The following LRIT3 variants were observed in gnomAD, a reference collection of about 807,000 sequenced individuals.
LRIT3 encodes leucine-rich repeat, immunoglobulin-like domain and transmembrane domain-containing protein 3.
Under a neutral mutation model 22.6 loss-of-function variants are expected in LRIT3, and 14 were observed. That is an observed-to-expected ratio of 0.62 (90% CI 0.41 to 0.97). The LOEUF (loss-of-function observed/expected upper bound fraction) is 0.97. Ranked by LOEUF, LRIT3 falls within the 50% of genes least tolerant of loss-of-function variation. The probability of loss-of-function intolerance (pLI) is 0.00; values close to 1 mark genes in which losing one functional copy is unlikely to be tolerated. For synonymous variants in LRIT3, 306 were observed against 304.5 expected, an observed-to-expected ratio of 1.01 and a Z score of -0.05; for missense variants, 783 against 803.0, an observed-to-expected ratio of 0.98 and a Z score of 0.30.
intron 1 of LRIT3, among the ~76,000 whole-genome samples, chr4:109,850,476 T>G (rs890497357): frequency 2.8e-5 from 4 of 141,304 alleles, no homozygotes; most frequent in Non-Finnish European, 4.6e-5. Flanking sequence ...TCTTTCTTTC[T>G]TTCTTTCTTT....
chr4:109,870,613 G>T lies in LRIT3; in HGVS notation c.1864G>T (p.Ala622Ser), dbSNP rs2125901807. The T allele has an allele frequency of 6.2e-7, 1 of 1,613,838 alleles. No homozygotes were observed. Among genetic ancestry groups the T allele is most frequent in the South Asian group, 1.1e-5 (1 of 91,038 alleles). ...KSEPFWEDDL[A>S]KETYIQFETL... ...AGAACCTTTTTGGGAAGATGATTTG[G>T]CAAAGGAGACTTATATCCAATTTGA... The change falls in exon 4 of 4, where the codon GCA becomes TCA. Residue 622 changes from alanine to serine, a missense_variant. Physicochemically the swap from Ala to Ser is moderately conservative, Grantham distance 99 (BLOSUM62 1). Transcript: ENST00000594814.
intron 1 of LRIT3, chr4:109,851,217 G>C: frequency 3.3e-6 from 1 of 301,840 alleles, no homozygotes; most frequent in Non-Finnish European, 6.2e-6. Flanking sequence ...GTGCCAGGAA[G>C]TTGTAGAGTT....
rs927620266 is a variant in LRIT3, at chr4:109,865,097, G to A, written c.590-2544G>A. Reference sequence around the variant, plus strand: ...CCATCTTTGGTTTCTTTTAGTCTATGATCATTATTTTTATTTTATAGGCTG... The same window carrying A: ...CCATCTTTGGTTTCTTTTAGTCTATAATCATTATTTTTATTTTATAGGCTG... On this transcript the variant is annotated intron_variant, in intron 2 of 3. Coordinates refer to ENST00000594814, the MANE Select transcript of LRIT3 (RefSeq NM_198506.5). 16 of 1,417,290 alleles carry A rather than the reference G, an allele frequency of 1.1e-5. No homozygotes were observed. The African/African-American group carries it at 2.2e-4, about 19-fold the overall frequency. 87.8% of individuals were successfully genotyped at this position (1,417,290 alleles called of 1,614,324 possible).
intron 2 of LRIT3, among the ~76,000 whole-genome samples, chr4:109,854,233 T>C (rs556131702): frequency 2.0e-5 from 3 of 152,340 alleles, no homozygotes; most frequent in Admixed American, 2.0e-4. Flanking sequence ...GGAATGTTTT[T>C]CCATTTGTTT....
intron 1 of LRIT3, 28 bp from the exon 2 acceptor site, chr4:109,851,476 C>A (rs994519851): frequency 1.3e-6 from 2 of 1,481,760 alleles, no homozygotes; most frequent in African/African-American, 2.8e-5. Flanking sequence ...AAGTGAGTTT[C>A]CTCACATTGT....
chr4:109,860,946 T>C (rs1734527728), intron 2 of LRIT3, among the ~76,000 whole-genome samples: 1 of 152,254 alleles, frequency 6.6e-6, no homozygotes, highest in South Asian at 2.1e-4. Flanking sequence ...GTTGGACACA[T>C]GGGTGTTTCG....
chr4:109,866,065 G>A (rs1734671012), intron 2 of LRIT3, among the ~76,000 whole-genome samples: 1 of 151,964 alleles, frequency 6.6e-6, no homozygotes, highest in African/African-American at 2.4e-5. Flanking sequence ...TAAAACAGGA[G>A]ATGAAAAAGT....
Position 109,872,193 on chromosome 4 carries a change from TC to T in LRIT3, c.*1405del. ...ATCTCCCAAACTCTGAGAACGGTCCTCAAATAGAAGCTCTCCTAGTCAGTTG... is the reference window on the plus strand; with the variant it reads ...ATCTCCCAAACTCTGAGAACGGTCCTAAATAGAAGCTCTCCTAGTCAGTTG... On this transcript the variant is annotated 3_prime_UTR_variant, in exon 4 of 4. Coordinates refer to ENST00000594814, the MANE Select transcript of LRIT3 (RefSeq NM_198506.5). The T allele has an allele frequency of 6.6e-6, 1 of 152,348 alleles. No homozygotes were observed. Among genetic ancestry groups the T allele is most frequent in the Admixed American group, 6.5e-5 (1 of 15,302 alleles). 9.4% of individuals were successfully genotyped at this position (152,348 alleles called of 1,614,324 possible).
rs544409262 is a variant in LRIT3, at chr4:109,849,758, G to A, written c.116+1441G>A. 6.7e-3 allele frequency among the ~76,000 whole-genome samples: 1,023 copies of A among 152,296 alleles called. 10 individuals carry two copies. The highest frequency in any genetic ancestry group is 0.023 in the African/African-American group (938 of 41,568). The stretch of plus-strand genomic sequence containing the variant: ...CTCCCAAGGAGCTGGGATTACAGGC[G>A]TGTGCCACCATGCCCAGCTAGTTTT... On this transcript the variant is annotated intron_variant, in intron 1 of 3. Coordinates refer to ENST00000594814, the MANE Select transcript of LRIT3 (RefSeq NM_198506.5).
Position 109,870,297 on chromosome 4 carries a change from T to C in LRIT3, c.1548T>C (p.Thr516=), listed in dbSNP as rs9994891. Residue 516 remains threonine, a synonymous_variant, in exon 4 of 4, where the codon ACT becomes ACC. Transcript: ENST00000594814. ...ACACCACACATAACTCTGCAGTGAC[T>C]GTGTTGTATTCCAAGTATGGTGGGA... ...MINTTHNSAV[T]VLYSKYGGKD... is the part of the protein sequence containing the mutation. 0.024 allele frequency: 39,535 copies of C among 1,614,024 alleles called. 5,669 individuals carry two copies. The African/African-American group carries it at 0.38, about 15-fold the overall frequency.
intron 2 of LRIT3, among the ~76,000 whole-genome samples, chr4:109,860,972 T>C (rs1410212721): frequency 6.6e-6 from 1 of 152,254 alleles, no homozygotes; most frequent in Non-Finnish European, 1.5e-5. Context: ...GGGGCCATAA[T>C]AAATTAAGCT....
chr4:109,849,410 A>G (rs1453018244), intron 1 of LRIT3, among the ~76,000 whole-genome samples: 1 of 152,210 alleles, frequency 6.6e-6, no homozygotes, highest in South Asian at 2.1e-4. Flanking sequence ...TATAAAAATT[A>G]TAGAATATTA....
intron 2 of LRIT3, among the ~76,000 whole-genome samples, chr4:109,857,200 A>G (rs1265427935): frequency 6.8e-6 from 1 of 148,058 alleles, no homozygotes; most frequent in Non-Finnish European, 1.5e-5. Context: ...ACAACTTTTA[A>G]GTGGTATAGT....
intron 2 of LRIT3, among the ~76,000 whole-genome samples, chr4:109,864,955 C>G (rs1020757078): frequency 1.3e-5 from 2 of 152,168 alleles, no homozygotes; most frequent in African/African-American, 4.8e-5. Context: ...AGTCTAGATC[C>G]ACAGATTATC....
intron 2 of LRIT3, chr4:109,865,210 C>T (rs1177993570): frequency 8.0e-6 from 12 of 1,500,342 alleles, no homozygotes; most frequent in Non-Finnish European, 1.1e-5. Flanking sequence ...AGCAAGGTTG[C>T]ATCACCCAGG....
At position 109,869,831 on chromosome 4, in the gene LRIT3, C is replaced by G; in HGVS notation, c.1082C>G (p.Thr361Ser). ...TPIPPDTSER[T>S]GDHPEWDVQP... ...ATACCACCAGACACTTCTGAAAGAA[C>G]TGGAGATCATCCTGAGTGGGATGTC... is the stretch of plus-strand genomic sequence containing the variant. Residue 361 changes from threonine (T) to serine (S), a missense_variant, in exon 4 of 4, where the codon ACT becomes AGT. Coordinates refer to ENST00000594814, the MANE Select transcript of LRIT3 (RefSeq NM_198506.5). The G allele has an allele frequency of 1.2e-6, 2 of 1,614,062 alleles. No individual in the cohort carries two copies. Among genetic ancestry groups the G allele is most frequent in the Non-Finnish European group, 1.7e-6 (2 of 1,179,922 alleles).
chr4:109,863,223 G>A (rs7654660), intron 2 of LRIT3, among the ~76,000 whole-genome samples: 84,070 of 151,958 alleles, frequency 0.55, 24,164 homozygotes, highest in Non-Finnish European at 0.65. Context: ...GGTGGTAGAA[G>A]GCATAACATG....
chr4:109,865,077 T>A (rs949215442), intron 2 of LRIT3: 3 of 1,412,436 alleles, frequency 2.1e-6, no homozygotes, highest in Non-Finnish European at 2.8e-6. Context: ...TTGTTCCATC[T>A]TTGGTTTCTT....
At chr4:109,858,685 T>G (rs1579376505) in intron 2 of LRIT3, among the ~76,000 whole-genome samples, 1 of 152,152 alleles carries the variant, frequency 6.6e-6, no homozygotes, top group Non-Finnish European at 1.5e-5. Context: ...TTAGGAATAT[T>G]AAGAAAATTT....
Sources: gnomAD v4.1 joint callset for allele counts (sites outside exome capture counted in the v4.1 genomes callset) on GRCh38, gnomAD v4.1.1 for gene constraint, MANE v1.5 for transcripts, NCBI Gene and HGNC (gene_info 2026-07-23, HGNC 2026-07-21) for gene names.